The following NCOR1 variants were observed in gnomAD, a reference collection of about 807,000 sequenced individuals.
NCOR1 encodes the protein protein phosphatase 1, regulatory subunit 109.
NCOR1 carries 63 observed loss-of-function variants against 288.1 expected under a neutral mutation model. The observed-to-expected ratio is 0.22, with a 90% confidence interval of 0.18 to 0.27. The LOEUF (loss-of-function observed/expected upper bound fraction) is 0.27, where lower values mean the gene tolerates loss of function less well. Ranked by LOEUF, NCOR1 falls within the 10% of genes least tolerant of loss-of-function variation. The pLI is 1.00. For missense variants in NCOR1, 2,397 were observed against 3,019.2 expected, an observed-to-expected ratio of 0.79 and a Z score of 4.83; for synonymous variants, 1,007 against 1,065.9, an observed-to-expected ratio of 0.94 and a Z score of 1.08.
intron 3 of NCOR1, among the ~76,000 whole-genome samples, chr17:16,185,740 T>C (rs1030028890): frequency 8.2e-6 from 1 of 122,248 alleles, no homozygotes; most frequent in Non-Finnish European, 1.7e-5. Flanking sequence ...TAGGGGTGGG[T>C]GGATCACTTG....
At chr17:16,136,268 C>G (rs1201268758) in intron 14 of NCOR1, among the ~76,000 whole-genome samples, 13 of 152,170 alleles carry the variant, frequency 8.5e-5, no homozygotes, top group Admixed American at 7.9e-4. Context: ...TCACTGCAGC[C>G]TCGACTTTCC....
In NCOR1 at chr17:16,183,769, C is replaced by A. The variant is rs147400207; in HGVS notation, c.242+2785G>T. Among the ~76,000 whole-genome samples the A allele has an allele frequency of 2.1e-4, 32 of 151,972 alleles. 1 individual carries two copies. Among genetic ancestry groups the A allele is most frequent in the African/African-American group, 7.5e-4 (31 of 41,466 alleles). On this transcript the variant is annotated intron_variant, in intron 3 of 45. Coordinates refer to ENST00000268712, the MANE Select transcript of NCOR1 (RefSeq NM_006311.4). ...AAATTCACATGGAAGTATAAAAGACCCCCAATAGCAAAATCAATTCTGAAA... is the reference window on the plus strand; with the variant it reads ...AAATTCACATGGAAGTATAAAAGACACCCAATAGCAAAATCAATTCTGAAA...
intron 19 of NCOR1, among the ~76,000 whole-genome samples, chr17:16,106,722 C>G (rs764448658): frequency 2.0e-5 from 3 of 151,542 alleles, no homozygotes; most frequent in Non-Finnish European, 4.4e-5. Context: ...CTCTTCTTGA[C>G]ACTTTCCAAA....
chr17:16,178,266 G>A (rs889574628), intron 3 of NCOR1, among the ~76,000 whole-genome samples: 4 of 151,950 alleles, frequency 2.6e-5, no homozygotes, highest in Non-Finnish European at 5.9e-5. Flanking sequence ...TTGGGAGGCT[G>A]AGGCAGGCAA....
chr17:16,146,659 G>C lies in NCOR1; in HGVS notation c.910-111C>G, dbSNP rs751879600. 1.0e-5 allele frequency: 10 copies of C among 983,832 alleles called. No homozygotes were observed. The Middle Eastern group carries it at 2.4e-3, about 236-fold the overall frequency. 60.9% of individuals were successfully genotyped at this position (983,832 alleles called of 1,614,324 possible). A position where few individuals can be genotyped will look rare whatever the true frequency, so the allele number is the denominator to read the frequency against. ...TTAAGGTTAAGTCAGAAGTACATTT[G>C]GCTTATGACTCAACTGTGAACGAAA... On this transcript the variant is annotated intron_variant, in intron 9 of 45. Transcript: ENST00000268712.
chr17:16,204,523 T>C (rs1027978076), intron 1 of NCOR1, among the ~76,000 whole-genome samples: 21 of 152,256 alleles, frequency 1.4e-4, no homozygotes, highest in African/African-American at 4.6e-4. Context: ...CCAAGTATCA[T>C]ATATCCTGCG....
chr17:16,093,676 A>G (rs193238558), intron 21 of NCOR1, among the ~76,000 whole-genome samples: 1 of 152,286 alleles, frequency 6.6e-6, no homozygotes, highest in East Asian at 1.9e-4. Context: ...ACTGATCCTA[A>G]AACCCATAAC....
At chr17:16,161,638 T>G (rs1159173874) in intron 5 of NCOR1, among the ~76,000 whole-genome samples, 1 of 152,234 alleles carries the variant, frequency 6.6e-6, no homozygotes, top group Non-Finnish European at 1.5e-5. Context: ...ATTTGCCATG[T>G]TTTAAAAATA....
chr17:16,128,638 A>G (rs1441965670), intron 14 of NCOR1, among the ~76,000 whole-genome samples: 1 of 152,240 alleles, frequency 6.6e-6, no homozygotes, highest in African/African-American at 2.4e-5. Context: ...ATTCTGATCC[A>G]GGCTAATGTC....
At chr17:16,208,026 T>C (rs1038663816) in intron 1 of NCOR1, among the ~76,000 whole-genome samples, 6 of 143,158 alleles carry the variant, frequency 4.2e-5, no homozygotes, top group Non-Finnish European at 7.6e-5. Flanking sequence ...AACCGTTCCA[T>C]ATTTCTTTCT....
chr17:16,186,116 A>G (rs1419613959), intron 3 of NCOR1, among the ~76,000 whole-genome samples: 3 of 152,182 alleles, frequency 2.0e-5, no homozygotes, highest in Non-Finnish European at 1.5e-5. Context: ...CCATTTTTAT[A>G]GGAGGGAAAA....
At chr17:16,077,454 A>AGAGGGGAGGAGAGGG (rs2062648154) in intron 26 of NCOR1, among the ~76,000 whole-genome samples, 1 of 71,716 alleles carries the variant, frequency 1.4e-5, no homozygotes, top group Admixed American at 1.5e-4. Flanking sequence ...AAAGGGAAGG[A>AGAGGGGAGGAGAGGG]GAGGAGAGGG....
chr17:16,121,914 G>C (rs1379444157), intron 15 of NCOR1, among the ~76,000 whole-genome samples: 1 of 152,128 alleles, frequency 6.6e-6, no homozygotes, highest in Non-Finnish European at 1.5e-5. Context: ...GATGACCCTG[G>C]ACAAGCTGCC....
At chr17:16,137,260 G>T (rs1212937823) in intron 14 of NCOR1, 51 bp downstream of exon 14, 1 of 1,207,382 alleles carries the variant, frequency 8.3e-7, no homozygotes, top group African/African-American at 1.5e-5. Context: ...CTTTTTGCTT[G>T]CCTATTTCCC....
chr17:16,117,165 T>C (rs2071793195), intron 18 of NCOR1, among the ~76,000 whole-genome samples: 1 of 152,202 alleles, frequency 6.6e-6, no homozygotes, highest in Non-Finnish European at 1.5e-5. Flanking sequence ...AAAAAATGTC[T>C]AATATACCAA....
rs200464945 is a variant in NCOR1 at position 16,061,935 on chromosome 17, C to T, written c.5388-41G>A. On this transcript the variant is annotated intron_variant, in intron 36 of 45. Transcript: ENST00000268712. Reference sequence around the variant, plus strand: ...AATCACAGCTCTGTGAAGGGAAGACCATTTGCTGGGAATGTGGTGGGGAGA... The same window carrying T: ...AATCACAGCTCTGTGAAGGGAAGACTATTTGCTGGGAATGTGGTGGGGAGA... 3.2e-6 allele frequency: 5 copies of T among 1,570,916 alleles called. No individual in the cohort carries two copies. In the East Asian group the frequency reaches 1.1e-4, roughly 35 times the overall value.
chr17:16,054,235 A>G (rs2059658867), intron 40 of NCOR1, among the ~76,000 whole-genome samples: 2 of 152,222 alleles, frequency 1.3e-5, no homozygotes, highest in East Asian at 3.8e-4. Context: ...GCTTCTGCAC[A>G]GAAAAGGAAA....
At chr17:16,190,513 T>G (rs1370096411) in intron 2 of NCOR1, among the ~76,000 whole-genome samples, 1 of 151,670 alleles carries the variant, frequency 6.6e-6, no homozygotes, top group Non-Finnish European at 1.5e-5. Flanking sequence ...TTTTTTTTTT[T>G]TGTATTTTTA....
intron 32 of NCOR1, among the ~76,000 whole-genome samples, chr17:16,066,396 G>C (rs1300942276): frequency 1.3e-5 from 2 of 152,140 alleles, no homozygotes; most frequent in African/African-American, 4.8e-5. Flanking sequence ...AATGACACAA[G>C]ACACAAGATA....
Sources: allele counts gnomAD v4.1 joint callset (sites outside exome capture counted in the v4.1 genomes callset), GRCh38; gene constraint gnomAD v4.1.1; transcripts MANE v1.5; gene names NCBI Gene and HGNC (gene_info 2026-07-23, HGNC 2026-07-21).